Variants in RIMBP2 observed in about 807,000 individuals in gnomAD.
RIMBP2 encodes the protein RIMS binding protein 2, also known as RIMS-binding protein 2.
Under a neutral mutation model 118.6 loss-of-function variants are expected in RIMBP2, and 48 were observed. The observed-to-expected ratio is 0.40, with a 90% CI of 0.32 to 0.51. The LOEUF is 0.51. Ranked by LOEUF, RIMBP2 falls within the 20% of genes least tolerant of loss-of-function variation. RIMBP2 has a pLI of 0.41. For missense variants in RIMBP2, 1,551 were observed against 1,768.3 expected, an observed-to-expected ratio of 0.88 and a Z score of 2.20; for synonymous variants, 762 against 742.9, an observed-to-expected ratio of 1.03 and a Z score of -0.42.
chr12:130,667,879 G>A (rs1309933010), intron 1 of RIMBP2: 3 of 152,174 alleles, frequency 2.0e-5, no homozygotes, highest in Non-Finnish European at 4.4e-5. Context: ...CTGAGGATAT[G>A]GAAACTTCAC....
intron 1 of RIMBP2, among the ~76,000 whole-genome samples, chr12:130,674,329 A>G (rs2064344049): frequency 6.6e-6 from 1 of 152,154 alleles, no homozygotes; most frequent in Non-Finnish European, 1.5e-5. Context: ...CCATGAGCCA[A>G]TTACGCCTCT....
At chr12:130,445,077 T>G in intron 10 of RIMBP2, 83 bp downstream of exon 10, 3 of 851,746 alleles carry the variant, frequency 3.5e-6, no homozygotes, top group South Asian at 3.8e-5. Flanking sequence ...GAGCCCTGCC[T>G]ATCTATCAGG....
intron 2 of RIMBP2, among the ~76,000 whole-genome samples, chr12:130,587,761 C>A (rs1245251381): frequency 7.2e-6 from 1 of 139,114 alleles, no homozygotes; most frequent in Non-Finnish European, 1.5e-5. Context: ...GCGCACCAGC[C>A]TGGCACATGT....
chr12:130,569,803 G>A (rs1017559195), intron 2 of RIMBP2, among the ~76,000 whole-genome samples: 1 of 152,162 alleles, frequency 6.6e-6, no homozygotes, highest in Non-Finnish European at 1.5e-5. Context: ...GCAGAACCAT[G>A]AGCCCATTAA....
intron 1 of RIMBP2, among the ~76,000 whole-genome samples, chr12:130,659,234 T>C (rs750271350): frequency 2.6e-5 from 4 of 152,212 alleles, no homozygotes; most frequent in Non-Finnish European, 4.4e-5. Flanking sequence ...TTTCACTCAA[T>C]GTATCCGAAA....
intron 2 of RIMBP2, among the ~76,000 whole-genome samples, chr12:130,564,734 T>G (rs1273467477): frequency 6.6e-6 from 1 of 152,146 alleles, no homozygotes; most frequent in Non-Finnish European, 1.5e-5. Context: ...GAGGGGGATG[T>G]GGGGAGTTGT....
intron 14 of RIMBP2, among the ~76,000 whole-genome samples, chr12:130,433,846 G>A (rs1337426958): frequency 1.3e-5 from 2 of 152,188 alleles, no homozygotes; most frequent in Non-Finnish European, 2.9e-5. Context: ...AATCCACCTC[G>A]CAGCCTCTAC....
chr12:130,579,408 T>C (rs1394304469), intron 2 of RIMBP2, among the ~76,000 whole-genome samples: 1 of 152,150 alleles, frequency 6.6e-6, no homozygotes, highest in Non-Finnish European at 1.5e-5. Flanking sequence ...TAGATGACGT[T>C]TCACACCTAT....
chr12:130,573,699 G>A (rs2057874763), intron 2 of RIMBP2, among the ~76,000 whole-genome samples: 1 of 152,270 alleles, frequency 6.6e-6, no homozygotes, highest in Admixed American at 6.5e-5. Context: ...CCAAGGACAT[G>A]GGTGCAGGAG....
chr12:130,511,789 T>C lies in RIMBP2; in HGVS notation c.-126-5019A>G, dbSNP rs2050936179. Among the ~76,000 whole-genome samples, 4 of 152,014 alleles carry C rather than the reference T, an allele frequency of 2.6e-5. No individual in the cohort carries two copies. Among genetic ancestry groups the C allele is most frequent in the African/African-American group, 9.7e-5 (4 of 41,394 alleles). ...CCTCTTCCTCCCACCACAGTGGGGA[T>C]GCGACCCTTCGAGATGGAATACCAC... On this transcript the variant is annotated intron_variant, in intron 3 of 22. Coordinates refer to ENST00000690449, the MANE Select transcript of RIMBP2 (RefSeq NM_001393629.1). This position sits in a 1 kb window ranked among gnomAD's most constrained non-coding sequence, Gnocchi z 4.3.
chr12:130,407,841 A>C lies in RIMBP2; in HGVS notation c.3590-12T>G. On this transcript the variant is annotated splice_polypyrimidine_tract_variant and intron_variant, in intron 19 of 22. Transcript: ENST00000690449. Reference sequence around the variant, plus strand: ...TCTCCTGCTTCTCTCTGTTCAGATCACAAGGGGGAAAGAAATCCATCATGA... The same window carrying C: ...TCTCCTGCTTCTCTCTGTTCAGATCCCAAGGGGGAAAGAAATCCATCATGA... 6.2e-7 allele frequency: 1 copy of C among 1,608,886 alleles called. No individual in the cohort carries two copies. Among genetic ancestry groups the C allele is most frequent in the Non-Finnish European group, 8.5e-7 (1 of 1,175,280 alleles).
intron 1 of RIMBP2, among the ~76,000 whole-genome samples, chr12:130,645,827 G>T (rs1049318479): frequency 6.6e-6 from 1 of 152,182 alleles, no homozygotes; most frequent in Non-Finnish European, 1.5e-5. Flanking sequence ...TCTTTGAATA[G>T]AAAGATTTCT....
At chr12:130,676,925 G>A (rs2064519180) in intron 1 of RIMBP2, among the ~76,000 whole-genome samples, 1 of 152,186 alleles carries the variant, frequency 6.6e-6, no homozygotes, top group South Asian at 2.1e-4. Flanking sequence ...GAAAAAGCCT[G>A]TGGCTTAGTC....
chr12:130,423,336 T>C (rs1241885708), intron 16 of RIMBP2, among the ~76,000 whole-genome samples: 2 of 152,172 alleles, frequency 1.3e-5, no homozygotes, highest in African/African-American at 2.4e-5. Context: ...CGTGGGCGGC[T>C]GAGTCACTGA....
Position 130,437,308 on chromosome 12 carries a change from C to T in RIMBP2, c.1657-17G>A. ...TTCAGCCACCTGTGGACAAGCAGAG[C>T]TGGCTCGCGGGCTGCCCGAGGTGAG... On this transcript the variant is annotated splice_polypyrimidine_tract_variant and intron_variant, in intron 12 of 22. Transcript: ENST00000690449. 6.4e-7 allele frequency: 1 copy of T among 1,554,712 alleles called. No individual in the cohort carries two copies. Among genetic ancestry groups the T allele is most frequent in the Non-Finnish European group, 8.6e-7 (1 of 1,157,708 alleles).
chr12:130,563,001 C>A (rs1048527712), intron 2 of RIMBP2, among the ~76,000 whole-genome samples: 2 of 152,208 alleles, frequency 1.3e-5, no homozygotes, highest in East Asian at 1.9e-4. Context: ...CTGTGGACAG[C>A]TTTTGACTTT....
chr12:130,543,520 C>T (rs1209775175), intron 2 of RIMBP2, among the ~76,000 whole-genome samples: 1 of 152,178 alleles, frequency 6.6e-6, no homozygotes, highest in Non-Finnish European at 1.5e-5. Flanking sequence ...GACCAGCAGG[C>T]TGAAGAGGCA....
At chr12:130,527,067 C>A (rs770778916) in intron 2 of RIMBP2, among the ~76,000 whole-genome samples, 1 of 152,044 alleles carries the variant, frequency 6.6e-6, no homozygotes, top group African/African-American at 2.4e-5. Flanking sequence ...GAGGTTAAGG[C>A]CGAGGGCAGT....
chr12:130,588,754 T>C (rs536727658), intron 2 of RIMBP2, among the ~76,000 whole-genome samples: 2 of 152,356 alleles, frequency 1.3e-5, no homozygotes, highest in Admixed American at 1.3e-4. Flanking sequence ...CTGTCATCTG[T>C]TGAACACATG....
Sources: gnomAD v4.1 joint callset for allele counts (sites outside exome capture counted in the v4.1 genomes callset) on GRCh38, gnomAD v4.1.1 for gene constraint, Gnocchi (gnomAD v3.1) non-coding constraint, MANE v1.5 for transcripts, NCBI Gene and HGNC (gene_info 2026-07-23, HGNC 2026-07-21) for gene names.